Variants in ANKRD62 observed in about 807,000 individuals in gnomAD.
ANKRD62 encodes ankyrin repeat domain-containing protein 62.
Under a neutral mutation model 98.8 loss-of-function variants are expected in ANKRD62, and 61 were observed. The observed-to-expected ratio is 0.62, with a 90% CI of 0.50 to 0.76. The LOEUF (loss-of-function observed/expected upper bound fraction) is 0.76. ANKRD62 is among the 30% of genes least tolerant of loss of function. The probability of loss-of-function intolerance (pLI) is 0.00; values close to 1 mark genes in which losing one functional copy is unlikely to be tolerated. For missense variants in ANKRD62, 933 were observed against 1,082.9 expected, an observed-to-expected ratio of 0.86 and a Z score of 1.94; for synonymous variants, 341 against 367.9, an observed-to-expected ratio of 0.93 and a Z score of 0.84.
Position 12,096,196 on chromosome 18 carries a change from G to T in ANKRD62, c.508G>T (p.Asp170Tyr), listed in dbSNP as rs1909178871. Residue 170 changes from aspartate to tyrosine, a missense_variant and splice_region_variant, in exon 4 of 14, where the codon GAT becomes TAT. Asp to Tyr is a radical substitution (Grantham distance 160, BLOSUM62 -3). Transcript: ENST00000587848. ...ATAAATTGTTTTTGCTGTTTTGCAGGATGGACATACATCACTTTTACTCGC... is the reference window on the plus strand; with the variant it reads ...ATAAATTGTTTTTGCTGTTTTGCAGTATGGACATACATCACTTTTACTCGC... Reference protein sequence around the residue: ...YGADIEARSQDGHTSLLLAVN... With the variant: ...YGADIEARSQYGHTSLLLAVN... The T allele has an allele frequency of 2.6e-6, 4 of 1,522,280 alleles. No homozygotes were observed. The East Asian group carries it at 7.4e-5, about 28-fold the overall frequency. 94.3% of individuals were successfully genotyped at this position (1,522,280 alleles called of 1,614,324 possible).
the ANKRD62 span, among the ~76,000 whole-genome samples, chr18:12,166,028 T>C: frequency 6.6e-6 from 1 of 152,122 alleles, no homozygotes; most frequent in Non-Finnish European, 1.5e-5. Context: ...CCATTGTATG[T>C]TATTTGCTTC....
intron 10 of ANKRD62, among the ~76,000 whole-genome samples, chr18:12,116,119 A>G (rs1284260108): frequency 6.6e-6 from 1 of 152,182 alleles, no homozygotes; most frequent in African/African-American, 2.4e-5. Flanking sequence ...GTTAAAGTGC[A>G]CATATGTAAA....
chr18:12,118,414 G>A (rs1206144709), intron 10 of ANKRD62, among the ~76,000 whole-genome samples: 2 of 152,072 alleles, frequency 1.3e-5, no homozygotes, highest in Non-Finnish European at 1.5e-5. Context: ...TTCAAGATCA[G>A]CCCGGCCAAC....
chr18:12,169,079 A>G, the ANKRD62 span, among the ~76,000 whole-genome samples: 1 of 152,200 alleles, frequency 6.6e-6, no homozygotes, highest in Admixed American at 6.5e-5. Flanking sequence ...TCATCTGCAA[A>G]CAGGGACAAT....
At chr18:12,168,590 T>C in the ANKRD62 span, among the ~76,000 whole-genome samples, 1 of 152,234 alleles carries the variant, frequency 6.6e-6, no homozygotes, top group Non-Finnish European at 1.5e-5. Context: ...CTTTGTTCTT[T>C]AGGCTTAGGA....
the ANKRD62 span, among the ~76,000 whole-genome samples, chr18:12,140,263 A>C: frequency 6.6e-6 from 1 of 151,938 alleles, no homozygotes; most frequent in Non-Finnish European, 1.5e-5. Flanking sequence ...TTTTTTTCAA[A>C]GTTTTTAACT....
chr18:12,138,054 G>T, the ANKRD62 span, among the ~76,000 whole-genome samples: 1 of 151,974 alleles, frequency 6.6e-6, no homozygotes, highest in African/African-American at 2.4e-5. Flanking sequence ...CTTCAGTTCT[G>T]CTCTGATCTT....
downstream of ANKRD62, among the ~76,000 whole-genome samples, chr18:12,130,277 T>G (rs1246613124): frequency 6.6e-6 from 1 of 152,176 alleles, no homozygotes; most frequent in Non-Finnish European, 1.5e-5. Flanking sequence ...CCTTCAGATG[T>G]TTGTTCAGAA....
chr18:12,181,010 A>T, the ANKRD62 span, among the ~76,000 whole-genome samples: 6 of 148,254 alleles, frequency 4.0e-5, no homozygotes, highest in African/African-American at 1.2e-4. Context: ...TTATTGTTCA[A>T]TTCCCACCTA....
At chr18:12,136,631 G>T in the ANKRD62 span, among the ~76,000 whole-genome samples, 1 of 152,126 alleles carries the variant, frequency 6.6e-6, no homozygotes, top group Non-Finnish European at 1.5e-5. Context: ...AAATTACCTT[G>T]GGCAGTATGG....
chr18:12,104,766 T>C (rs1238409828), intron 7 of ANKRD62, among the ~76,000 whole-genome samples: 1 of 152,212 alleles, frequency 6.6e-6, no homozygotes, highest in Non-Finnish European at 1.5e-5. Flanking sequence ...TCATCTAATA[T>C]GTATTCCTAA....
chr18:12,134,943 G>T, the ANKRD62 span, among the ~76,000 whole-genome samples: 1 of 152,034 alleles, frequency 6.6e-6, no homozygotes, highest in Non-Finnish European at 1.5e-5. Flanking sequence ...CTGAGGAATC[G>T]CCACACTGAC....
the ANKRD62 span, among the ~76,000 whole-genome samples, chr18:12,155,437 C>G: frequency 6.6e-6 from 1 of 152,154 alleles, no homozygotes; most frequent in Non-Finnish European, 1.5e-5. Flanking sequence ...AAGATTCCTT[C>G]TTCCTGTTTC....
chr18:12,177,649 G>T, the ANKRD62 span, among the ~76,000 whole-genome samples: 11 of 151,954 alleles, frequency 7.2e-5, no homozygotes, highest in Admixed American at 2.0e-4. Context: ...AGACTTTGGC[G>T]GGTTGTTCTC....
Position 12,129,454 on chromosome 18 carries a change from A to C in ANKRD62, c.*1515A>C, listed in dbSNP as rs1909962416. On this transcript the variant is annotated 3_prime_UTR_variant, in exon 14 of 14. Transcript: ENST00000587848. ...CATTCCAGTAAAATTTAGTTAAAAA[A>C]CAGGTAATAGGGGCCAGGCACGGTG... is the stretch of plus-strand genomic sequence containing the variant. 6.6e-6 allele frequency: 1 copy of C among 152,244 alleles called. No homozygotes were observed. Among genetic ancestry groups the C allele is most frequent in the Admixed American group, 6.5e-5 (1 of 15,288 alleles). The allele number at this position is 152,244 out of a possible 1,614,324, so 9.4% of individuals were successfully genotyped here.
chr18:12,095,321 T>C (rs985167321), intron 2 of ANKRD62, 36 bp downstream of exon 2: 2 of 1,532,984 alleles, frequency 1.3e-6, no homozygotes, highest in Non-Finnish European at 1.8e-6. Flanking sequence ...ATGGGATGGA[T>C]TTAATTTAAA....
Position 12,125,721 on chromosome 18 carries a change from A to G in ANKRD62, c.1900A>G (p.Met634Val), listed in dbSNP as rs1598738501. The G allele has an allele frequency of 1.9e-6, 3 of 1,542,748 alleles. No homozygotes were observed. Among genetic ancestry groups the G allele is most frequent in the East Asian group, 2.4e-5 (1 of 40,924 alleles). ...TAATGTTCTGATGGATGAGAATACA[A>G]TGCTCAATTCTGAGCTACAGAAGGA... ...ELNVLMDENT[M>V]LNSELQKEKQ... The change falls in exon 13 of 14, where the codon ATG becomes GTG. Residue 634 changes from methionine to valine, a missense_variant. Transcript: ENST00000587848.
chr18:12,130,694 G>C (rs1909989932), downstream of ANKRD62, among the ~76,000 whole-genome samples: 2 of 150,300 alleles, frequency 1.3e-5, no homozygotes, highest in African/African-American at 4.9e-5. Context: ...TTTGCCTGGG[G>C]TTGGGGGATG....
At chr18:12,113,355 T>A (rs1909589624) in intron 8 of ANKRD62, among the ~76,000 whole-genome samples, 1 of 152,076 alleles carries the variant, frequency 6.6e-6, no homozygotes, top group Non-Finnish European at 1.5e-5. Flanking sequence ...AGGCTGGGCA[T>A]GGTGGCTCAC....
Sources: gnomAD v4.1 joint callset for allele counts (sites outside exome capture counted in the v4.1 genomes callset) on GRCh38, gnomAD v4.1.1 for gene constraint, MANE v1.5 for transcripts, NCBI Gene and HGNC (gene_info 2026-07-23, HGNC 2026-07-21) for gene names.